Variants in HAUS6 observed in about 807,000 individuals in gnomAD.
HAUS6 encodes the protein HAUS augmin like complex subunit 6, also known as HAUS augmin-like complex subunit 6.
HAUS6 carries 80 observed loss-of-function variants against 106.8 expected under a neutral mutation model. That is an observed-to-expected ratio of 0.75 (90% confidence interval 0.63 to 0.90). The LOEUF (loss-of-function observed/expected upper bound fraction) is 0.90, where lower values mean the gene tolerates loss of function less well. HAUS6 is among the 40% of genes least tolerant of loss of function. HAUS6 has a pLI of 0.00. For missense variants in HAUS6, 1,155 were observed against 1,118.1 expected (o/e 1.03, Z -0.47); for synonymous variants, 356 against 379.1 (o/e 0.94, Z 0.71).
At position 19,054,160 on chromosome 9, in the gene HAUS6, T is replaced by C. The variant is rs535697244; in HGVS notation, c.*2183A>G. The C allele has an allele frequency of 2.0e-5, 3 of 152,216 alleles. No individual in the cohort carries two copies. The highest frequency in any genetic ancestry group is 3.9e-4 in the East Asian group (2 of 5,186). The allele number at this position is 152,216 out of a possible 1,614,324, so 9.4% of individuals were successfully genotyped here. ...GCAAGGTATTCCTGCTTCAGGAAAA[T>C]TGTATATCAAGACCTCTAAAGACCC... is the stretch of plus-strand genomic sequence containing the variant. On this transcript the variant is annotated 3_prime_UTR_variant, in exon 17 of 17. Transcript: ENST00000380502.
intron 3 of HAUS6, 89 bp from the exon 4 acceptor site, chr9:19,093,392 C>A: frequency 8.5e-7 from 1 of 1,174,992 alleles, no homozygotes; most frequent in South Asian, 1.3e-5. Context: ...AAGGGTGTGA[C>A]AGTCTTGCAA....
At chr9:19,101,092 A>G (rs1325815387) in intron 1 of HAUS6, among the ~76,000 whole-genome samples, 1 of 152,240 alleles carries the variant, frequency 6.6e-6, no homozygotes, top group Non-Finnish European at 1.5e-5. Context: ...AAGAACTGAA[A>G]TGTTTCCAAC....
At chr9:19,061,313 C>G (rs1366110143) in intron 14 of HAUS6, among the ~76,000 whole-genome samples, 1 of 152,186 alleles carries the variant, frequency 6.6e-6, no homozygotes, top group African/African-American at 2.4e-5. Context: ...ATTAATTTTA[C>G]TTTCAGAGCT....
At chr9:19,059,134 A>G in intron 15 of HAUS6, 133 bp from the exon 16 acceptor site, 1 of 609,302 alleles carries the variant, frequency 1.6e-6, no homozygotes, top group Non-Finnish European at 2.9e-6. Flanking sequence ...TGGTTGGATG[A>G]TAAGCCTCCA....
intron 14 of HAUS6, 62 bp downstream of exon 14, chr9:19,062,946 A>G (rs1836663217): frequency 7.9e-7 from 1 of 1,266,658 alleles, no homozygotes; most frequent in South Asian, 1.3e-5. Flanking sequence ...GATTACAGAC[A>G]TGGGCCACTG....
At chr9:19,082,762 C>A (rs1333433695) in intron 8 of HAUS6, 111 bp downstream of exon 8, 10 of 409,264 alleles carry the variant, frequency 2.4e-5, no homozygotes, top group East Asian at 1.5e-4. Flanking sequence ...AAAAAAAAAA[C>A]AAAAAACAAA....
At chr9:19,087,360 G>A (rs759574093) in intron 5 of HAUS6, among the ~76,000 whole-genome samples, 2 of 152,124 alleles carry the variant, frequency 1.3e-5, no homozygotes, top group African/African-American at 4.8e-5. Flanking sequence ...TCATAGGTTA[G>A]TATATCCTCT....
At position 19,076,595 on chromosome 9, in the gene HAUS6, A is replaced by T. The variant is rs765839124; in HGVS notation, c.1294+7T>A. 5.1e-5 allele frequency: 70 copies of T among 1,372,474 alleles called. No homozygotes were observed. In the African/African-American group the frequency reaches 8.6e-4, roughly 17 times the overall value. The allele number at this position is 1,372,474 out of a possible 1,614,324, so 85.0% of individuals were successfully genotyped here. A position where few individuals can be genotyped will look rare whatever the true frequency, so the allele number is the denominator to read the frequency against. On this transcript the variant is annotated splice_region_variant and intron_variant, in intron 11 of 16. Transcript: ENST00000380502. ...TTCAAAGAGAAAAAAATAAATAAAT[A>T]ACCAACCTGGAAGTGAAGCAGGATA...
chr9:19,060,100 G>C lies in HAUS6; in HGVS notation c.1753C>G (p.Pro585Ala). 1.2e-6 allele frequency: 2 copies of C among 1,606,734 alleles called. No individual in the cohort carries two copies. The highest frequency in any genetic ancestry group is 1.3e-5 in the African/African-American group (1 of 74,572). Residue 585 changes from proline (P) to alanine (A), a missense_variant, in exon 15 of 17, where the codon CCA (proline) becomes GCA (alanine). This residue lies in a region of HAUS6 where 761 missense variants were observed against 690.0 expected (regional missense o/e 1.10). Transcript: ENST00000380502. ...ATTATTAACTTACTCAAGTTTTCTG[G>C]AGTACGGGGAATCTGATTCCTTGTT... Reference protein sequence around the residue: ...FLTRNQIPRTPENLITEIRSS... With the variant: ...FLTRNQIPRTAENLITEIRSS...
chr9:19,083,146 T>C (rs1442692914), intron 7 of HAUS6, 103 bp from the exon 8 acceptor site: 1 of 533,464 alleles, frequency 1.9e-6, no homozygotes, highest in Non-Finnish European at 3.2e-6. Flanking sequence ...CTAGAATGAT[T>C]TCTAGTAAGA....
Position 19,063,012 on chromosome 9 carries a change from T to A in HAUS6, c.1625A>T (p.Glu542Val). The change falls in exon 14 of 17, where the codon GAA (glutamate) becomes GTA (valine). Residue 542 changes from glutamate (E) to valine (V), a missense_variant. By Grantham distance (121) the Glu-to-Val change is moderately radical. Coordinates refer to ENST00000380502, the MANE Select transcript of HAUS6 (RefSeq NM_017645.5). ...CTCATTACAGTCTTTTCTCACCTCT[T>A]CTACCAGATGATCTTGCTCTTTTTG... ...PFQKEQDHLV[E>V]EVARAVLSDS... 1.2e-6 allele frequency: 2 copies of A among 1,607,592 alleles called. No homozygotes were observed. The highest frequency in any genetic ancestry group is 1.7e-6 in the Non-Finnish European group (2 of 1,176,150).
intron 4 of HAUS6, among the ~76,000 whole-genome samples, chr9:19,092,548 G>C (rs769105107): frequency 1.4e-5 from 2 of 148,030 alleles, no homozygotes; most frequent in Non-Finnish European, 3.0e-5. Flanking sequence ...CCAGGAGGCA[G>C]AGGTTGCGGT....
chr9:19,098,320 C>A (rs578033502), intron 1 of HAUS6, among the ~76,000 whole-genome samples: 2 of 152,076 alleles, frequency 1.3e-5, no homozygotes, highest in African/African-American at 4.8e-5. Flanking sequence ...CACCTGTAAT[C>A]CCAGCTACTC....
chr9:19,093,411 C>T, intron 3 of HAUS6, 108 bp from the exon 4 acceptor site: 2 of 985,846 alleles, frequency 2.0e-6, no homozygotes, highest in Non-Finnish European at 3.1e-6. Context: ...AATAGAAGTC[C>T]CACATTTTCA....
intron 12 of HAUS6, among the ~76,000 whole-genome samples, chr9:19,066,280 C>G (rs1438169433): frequency 1.3e-5 from 2 of 151,854 alleles, no homozygotes; most frequent in Non-Finnish European, 2.9e-5. Flanking sequence ...TAGATAAGAA[C>G]TTGGCGGGGC....
At chr9:19,074,675 A>C (rs1037131874) in intron 11 of HAUS6, among the ~76,000 whole-genome samples, 3 of 152,042 alleles carry the variant, frequency 2.0e-5, no homozygotes, top group Admixed American at 2.0e-4. Context: ...AATACACCTG[A>C]CTCTCAAACC....
At position 19,054,086 on chromosome 9, in the gene HAUS6, T is replaced by C. The variant is rs1836418237; in HGVS notation, c.*2257A>G. The C allele has an allele frequency of 6.6e-6, 1 of 152,210 alleles. No homozygotes were observed. Among genetic ancestry groups the C allele is most frequent in the Non-Finnish European group, 1.5e-5 (1 of 68,048 alleles). The allele number at this position is 152,210 out of a possible 1,614,324, so 9.4% of individuals were successfully genotyped here. ...ACTTCAAGACGGAAGTGAGATTTTT[T>C]TCTGAGGCTTAAAAGAGAGCTGTAA... On this transcript the variant is annotated 3_prime_UTR_variant, in exon 17 of 17. Coordinates refer to ENST00000380502, the MANE Select transcript of HAUS6 (RefSeq NM_017645.5).
At chr9:19,081,851 G>A (rs1837157912) in intron 8 of HAUS6, among the ~76,000 whole-genome samples, 1 of 152,016 alleles carries the variant, frequency 6.6e-6, no homozygotes, top group South Asian at 2.1e-4. Context: ...GATCATTTGA[G>A]GTCAGGAGCT....
At position 19,102,698 on chromosome 9, in the gene HAUS6, G is replaced by A. The variant is rs1481802489; in HGVS notation, c.-47C>T. 6.3e-7 allele frequency: 1 copy of A among 1,588,318 alleles called. No individual in the cohort carries two copies. The highest frequency in any genetic ancestry group is 1.1e-5 in the South Asian group (1 of 88,744). On this transcript the variant is annotated 5_prime_UTR_variant, in exon 1 of 17. Coordinates refer to ENST00000380502, the MANE Select transcript of HAUS6 (RefSeq NM_017645.5). The stretch of plus-strand genomic sequence containing the variant: ...TGCAAAGAAAGAAAGCGCAAGCCCA[G>A]GGGACTCGGAGGGCCCTCAAGATCC...
Sources: allele counts gnomAD v4.1 joint callset (sites outside exome capture counted in the v4.1 genomes callset), GRCh38; gene constraint gnomAD v4.1.1; regional missense constraint gnomAD v4.1.1; transcripts MANE v1.5; gene names NCBI Gene and HGNC (gene_info 2026-07-23, HGNC 2026-07-21).